Variants in ROBO2 observed in about 807,000 individuals in gnomAD.
ROBO2 encodes the protein roundabout homolog 2.
A neutral mutation model predicts 160.8 loss-of-function variants in ROBO2; 53 were observed. The observed-to-expected ratio is 0.33, with a 90% CI of 0.26 to 0.41. ROBO2 has a LOEUF of 0.41. Among genes scored for constraint, ROBO2 ranks in the 10% least tolerant of loss-of-function variants. The pLI is 1.00. For synonymous variants in ROBO2, 664 were observed against 611.7 expected (o/e 1.09, Z -1.26); for missense variants, 1,577 against 1,722.4 (o/e 0.92, Z 1.49).
At chr3:76,988,064 G>A (rs1352288866) in intron 2 of ROBO2, among the ~76,000 whole-genome samples, 1 of 151,962 alleles carries the variant, frequency 6.6e-6, no homozygotes, top group Non-Finnish European at 1.5e-5. Flanking sequence ...AGGTAATTAC[G>A]AGACAAAATA....
chr3:76,471,260 G>A (rs2078642458), intron 2 of ROBO2, among the ~76,000 whole-genome samples: 1 of 152,106 alleles, frequency 6.6e-6, no homozygotes, highest in African/African-American at 2.4e-5. Flanking sequence ...CTGAATAACT[G>A]GATAAGAAGA....
intron 2 of ROBO2, among the ~76,000 whole-genome samples, chr3:77,251,615 C>G (rs1303440773): frequency 6.6e-6 from 1 of 152,104 alleles, no homozygotes; most frequent in African/African-American, 2.4e-5. Flanking sequence ...GGATTTGTTG[C>G]GTCCCGACCC....
At chr3:77,485,522 T>C (rs1260874253) in intron 4 of ROBO2, among the ~76,000 whole-genome samples, 2 of 152,120 alleles carry the variant, frequency 1.3e-5, no homozygotes, top group African/African-American at 4.8e-5. Flanking sequence ...AGTTTGACAC[T>C]CTTCTCTTTT....
intron 2 of ROBO2, among the ~76,000 whole-genome samples, chr3:76,833,134 A>G (rs2067230542): frequency 6.6e-6 from 1 of 152,180 alleles, no homozygotes; most frequent in Non-Finnish European, 1.5e-5. Flanking sequence ...TTCTTACAAA[A>G]TGTGGGACTC....
At chr3:76,413,479 T>G (rs1032720566) in intron 2 of ROBO2, among the ~76,000 whole-genome samples, 4 of 152,196 alleles carry the variant, frequency 2.6e-5, no homozygotes, top group Non-Finnish European at 2.9e-5. Context: ...AGCACCCAAG[T>G]CACCTCTTGA....
At chr3:77,451,140 A>G (rs1290152796) in intron 2 of ROBO2, among the ~76,000 whole-genome samples, 1 of 152,118 alleles carries the variant, frequency 6.6e-6, no homozygotes, top group Non-Finnish European at 1.5e-5. Context: ...GTGGATTCCT[A>G]CAAATTTTTA....
In ROBO2 at chr3:77,166,543, CACAG is replaced by C. The variant is rs2079093111; in HGVS notation, c.388+68205_388+68208del. On this transcript the variant is annotated intron_variant, in intron 2 of 25. Transcript: ENST00000461745. ...CAGCCTTTTAAAAAATATTTAATGA[CACAG>C]AAGTGTTTTTTTTGTTTGTTTGTTT... 4.6e-5 allele frequency among the ~76,000 whole-genome samples: 7 copies of C among 151,808 alleles called. No individual in the cohort carries two copies. In the South Asian group the frequency reaches 1.5e-3, roughly 32 times the overall value.
intron 2 of ROBO2, among the ~76,000 whole-genome samples, chr3:76,536,434 G>T (rs891355017): frequency 1.3e-5 from 2 of 152,152 alleles, no homozygotes; most frequent in Non-Finnish European, 2.9e-5. Context: ...GGGCTGAAAA[G>T]TGTCTAAGGG....
At chr3:76,140,912 A>G (rs1387540586) in intron 2 of ROBO2, among the ~76,000 whole-genome samples, 1 of 148,778 alleles carries the variant, frequency 6.7e-6, no homozygotes, top group Non-Finnish European at 1.5e-5. Flanking sequence ...AACGGAAACA[A>G]TGATTAATAA....
At chr3:77,112,059 A>G (rs2073657952) in intron 2 of ROBO2, among the ~76,000 whole-genome samples, 1 of 151,764 alleles carries the variant, frequency 6.6e-6, no homozygotes, top group African/African-American at 2.4e-5. Context: ...AAAAAAATAC[A>G]ATAGTTAGCC....
intron 2 of ROBO2, among the ~76,000 whole-genome samples, chr3:76,711,765 T>C (rs776699889): frequency 3.3e-5 from 5 of 152,192 alleles, no homozygotes; most frequent in Non-Finnish European, 7.3e-5. Flanking sequence ...GCACTCTTTC[T>C]GGAATCTTTT....
intron 2 of ROBO2, among the ~76,000 whole-genome samples, chr3:76,622,191 A>AAAGG (rs1163132103): frequency 0.019 from 1,263 of 65,874 alleles, 48 homozygotes; most frequent in Non-Finnish European, 0.024. Context: ...TAAAAAAAAG[A>AAAGG]AAGGAAGGAA....
At chr3:76,286,967 C>T (rs994317731) in intron 2 of ROBO2, among the ~76,000 whole-genome samples, 5 of 152,078 alleles carry the variant, frequency 3.3e-5, no homozygotes, top group African/African-American at 1.2e-4. Flanking sequence ...TTCTTTCTAC[C>T]GTAAGACCTT....
intron 2 of ROBO2, among the ~76,000 whole-genome samples, chr3:77,411,931 A>G (rs1393690251): frequency 1.3e-5 from 2 of 152,134 alleles, no homozygotes; most frequent in African/African-American, 2.4e-5. Context: ...AAATGTTCAA[A>G]TTACATTTTT....
chr3:77,104,270 A>G (rs1311570671), intron 2 of ROBO2, among the ~76,000 whole-genome samples: 1 of 152,148 alleles, frequency 6.6e-6, no homozygotes, highest in East Asian at 1.9e-4. Flanking sequence ...TTCTATAGCT[A>G]TACATTTTCC....
chr3:75,927,488 A>G (rs1947334255), intron 1 of ROBO2, among the ~76,000 whole-genome samples: 1 of 152,200 alleles, frequency 6.6e-6, no homozygotes, highest in African/African-American at 2.4e-5. Flanking sequence ...ATTAGCAACT[A>G]AGCCAACCAA....
rs1017903458 is a variant in ROBO2, at chr3:76,696,812, A to G, written c.110-401202A>G. ...ATTTCCACTTTGCACCACAGTTTCA[A>G]TTGTCACAAGGGAGAAAGCACAATT... is the stretch of plus-strand genomic sequence containing the variant. On this transcript the variant is annotated intron_variant, in intron 2 of 26. Coordinates refer to the ROBO2 transcript ENST00000487694. Among the ~76,000 whole-genome samples, 6 of 152,174 alleles carry G rather than the reference A, an allele frequency of 3.9e-5. No individual in the cohort carries two copies. In the South Asian group the frequency reaches 8.3e-4, roughly 21 times the overall value.
At chr3:77,507,250 A>G (rs60842406) in intron 5 of ROBO2, among the ~76,000 whole-genome samples, 2,252 of 152,272 alleles carry the variant, frequency 0.015, 59 homozygotes, top group African/African-American at 0.051. Flanking sequence ...CAAAAGAAAA[A>G]AGAAGAAAGC....
intron 2 of ROBO2, among the ~76,000 whole-genome samples, chr3:77,124,053 A>G (rs1347260789): frequency 7.3e-5 from 11 of 149,916 alleles, no homozygotes; most frequent in Non-Finnish European, 7.5e-5. Flanking sequence ...AAACATTTGA[A>G]AAACTGCTTT....
Sources: gnomAD v4.1 joint callset for allele counts (sites outside exome capture counted in the v4.1 genomes callset) on GRCh38, gnomAD v4.1.1 for gene constraint, MANE v1.5 for transcripts, NCBI Gene and HGNC (gene_info 2026-07-23, HGNC 2026-07-21) for gene names.